The following DIP2C variants were observed in gnomAD, a reference collection of about 807,000 sequenced individuals.
DIP2C encodes the protein DIP2 acetate--CoA ligase C (putative).
Under a neutral mutation model 192.4 loss-of-function variants are expected in DIP2C, and 33 were observed. The observed-to-expected ratio is 0.17, with a 90% CI of 0.13 to 0.23. The LOEUF (loss-of-function observed/expected upper bound fraction) is 0.23. Among genes scored for constraint, DIP2C ranks in the 10% least tolerant of loss-of-function variants. DIP2C has a pLI of 1.00. For synonymous variants in DIP2C, 979 were observed against 864.1 expected (o/e 1.13, Z -2.33); for missense variants, 1,537 against 2,110.1 (o/e 0.73, Z 5.32).
intron 1 of DIP2C, among the ~76,000 whole-genome samples, chr10:578,145 C>T (rs907742255): frequency 5.3e-5 from 8 of 152,274 alleles, no homozygotes; most frequent in Admixed American, 3.9e-4. Context: ...TTCTTTTATC[C>T]TAAATATCTT....
intron 1 of DIP2C, chr10:669,344 G>C (rs1028792602): frequency 6.6e-6 from 1 of 152,288 alleles, no homozygotes; most frequent in Non-Finnish European, 1.5e-5. Flanking sequence ...AGAGCAAGAG[G>C]GGACCGAGAA....
chr10:524,125 G>A (rs1368744343), intron 1 of DIP2C, among the ~76,000 whole-genome samples: 1 of 152,170 alleles, frequency 6.6e-6, no homozygotes, highest in Non-Finnish European at 1.5e-5. Context: ...CCTGGCTCCA[G>A]GCCCTAACGT....
At chr10:671,003 G>T (rs1165347728) in intron 1 of DIP2C, among the ~76,000 whole-genome samples, 1 of 152,224 alleles carries the variant, frequency 6.6e-6, no homozygotes, top group Non-Finnish European at 1.5e-5. Context: ...TTCATGAGGT[G>T]CCTCCAGGAG....
chr10:526,059 T>C (rs1847033096), intron 1 of DIP2C, among the ~76,000 whole-genome samples: 2 of 152,212 alleles, frequency 1.3e-5, no homozygotes, highest in African/African-American at 4.8e-5. Flanking sequence ...CGCTCCTCTG[T>C]GCCTACACTC....
At chr10:565,888 G>A (rs760115231) in intron 1 of DIP2C, among the ~76,000 whole-genome samples, 25 of 152,196 alleles carry the variant, frequency 1.6e-4, no homozygotes, top group Non-Finnish European at 2.8e-4. Flanking sequence ...CACTTCACAC[G>A]TTGGGAAGCA....
At chr10:323,402 G>A (rs539242936) in intron 31 of DIP2C, among the ~76,000 whole-genome samples, 445 of 15,492 alleles carry the variant, frequency 0.029, 26 homozygotes, top group African/African-American at 0.062. Context: ...GCGGGGCTCC[G>A]GCGAGAGACC....
chr10:571,141 C>T (rs1397970332), intron 1 of DIP2C, among the ~76,000 whole-genome samples: 3 of 152,226 alleles, frequency 2.0e-5, no homozygotes, highest in East Asian at 3.9e-4. Flanking sequence ...CTGACATTTC[C>T]AATGACAGGC....
chr10:390,149 T>C (rs1963342262), intron 12 of DIP2C, 56 bp from the exon 13 acceptor site: 1 of 1,593,542 alleles, frequency 6.3e-7, no homozygotes, highest in Admixed American at 1.7e-5. Context: ...GCAGTTTTTC[T>C]GGTTACTTGA....
chr10:356,395 G>A (rs1228422151), intron 24 of DIP2C, 31 bp downstream of exon 24: 5 of 1,608,380 alleles, frequency 3.1e-6, no homozygotes, highest in Non-Finnish European at 4.2e-6. Context: ...CTTGAGGCCA[G>A]TAGCCAGGGA....
intron 34 of DIP2C, among the ~76,000 whole-genome samples, chr10:284,612 C>T (rs752295829): frequency 3.9e-5 from 6 of 152,086 alleles, no homozygotes; most frequent in East Asian, 1.9e-4. Context: ...GGGGAGATGA[C>T]GGGCAAGGGT....
intron 24 of DIP2C, among the ~76,000 whole-genome samples, chr10:349,963 G>T (rs150803652): frequency 6.6e-6 from 1 of 152,136 alleles, no homozygotes; most frequent in African/African-American, 2.4e-5. Context: ...ACTATCAAAC[G>T]CATTTTCACA....
At chr10:312,822 A>G (rs1293210010) in intron 31 of DIP2C, among the ~76,000 whole-genome samples, 1 of 152,234 alleles carries the variant, frequency 6.6e-6, no homozygotes, top group African/African-American at 2.4e-5. Context: ...AATGATTTAA[A>G]TAATTTCTTT....
intron 24 of DIP2C, 67 bp from the exon 25 acceptor site, chr10:349,521 ACG>A: frequency 1.9e-6 from 3 of 1,558,326 alleles, no homozygotes; most frequent in East Asian, 4.6e-5. Context: ...GAGAGCGCGC[ACG>A]CGTCATACAA....
intron 1 of DIP2C, among the ~76,000 whole-genome samples, chr10:593,034 G>GGAGT (rs1422711318): frequency 1.5e-4 from 23 of 152,254 alleles, no homozygotes; most frequent in African/African-American, 5.5e-4. Context: ...TATATATATG[G>GGAGT]GAGTGGGTAT....
At chr10:323,727 C>A (rs1225552108) in intron 31 of DIP2C, among the ~76,000 whole-genome samples, 1 of 151,988 alleles carries the variant, frequency 6.6e-6, no homozygotes, top group East Asian at 1.9e-4. Context: ...CTAAAATATT[C>A]TTTTATAAAG....
chr10:619,811 T>G (rs1230223486), intron 1 of DIP2C, among the ~76,000 whole-genome samples: 1 of 152,084 alleles, frequency 6.6e-6, no homozygotes, highest in East Asian at 1.9e-4. Flanking sequence ...CAGAGAGTCC[T>G]GGATAAAAAT....
At chr10:338,385 C>G (rs941143250) in intron 29 of DIP2C, among the ~76,000 whole-genome samples, 1 of 152,140 alleles carries the variant, frequency 6.6e-6, no homozygotes, top group African/African-American at 2.4e-5. Context: ...GGGCAACCTC[C>G]ACTCCTGCCA....
At chr10:367,930 CCCGCGG>C (rs1960476629) in intron 18 of DIP2C, among the ~76,000 whole-genome samples, 2 of 150,540 alleles carry the variant, frequency 1.3e-5, no homozygotes, top group African/African-American at 4.9e-5. Context: ...GCCCGGGAAG[CCCGCGG>C]TTGCTCTCAC....
chr10:617,114 C>T (rs1293791983), intron 1 of DIP2C, among the ~76,000 whole-genome samples: 3 of 152,284 alleles, frequency 2.0e-5, no homozygotes, highest in African/African-American at 4.8e-5. Context: ...CACCCAGACC[C>T]CATGCAGACC....
Sources: gnomAD v4.1 joint callset for allele counts (sites outside exome capture counted in the v4.1 genomes callset) on GRCh38, gnomAD v4.1.1 for gene constraint, MANE v1.5 for transcripts, NCBI Gene and HGNC (gene_info 2026-07-23, HGNC 2026-07-21) for gene names.